Variants in SAMD11 observed in about 807,000 individuals in gnomAD.
The protein encoded by SAMD11 is sterile alpha motif domain-containing protein 11.
In SAMD11, 77 loss-of-function variants were observed where a neutral mutation model predicts 64.4. That is an observed-to-expected ratio of 1.20 (90% CI 0.99 to 1.44). The LOEUF is 1.44. Among genes scored for constraint, SAMD11 ranks in the 40% most tolerant of loss-of-function variants. The pLI is 0.00. For synonymous variants in SAMD11, 658 were observed against 421.9 expected (o/e 1.56, Z -6.86); for missense variants, 1,402 against 943.3 (o/e 1.49, Z -6.37).
intron 2 of SAMD11, among the ~76,000 whole-genome samples, chr1:929,545 C>T (rs977366293): frequency 6.6e-6 from 1 of 152,222 alleles, no homozygotes; most frequent in African/African-American, 2.4e-5. Context: ...ATTCGCTTGT[C>T]AACGTTGGCA....
At chr1:930,063 G>A (rs1641097659) in intron 2 of SAMD11, 92 bp from the exon 3 acceptor site, 1 of 1,420,090 alleles carries the variant, frequency 7.0e-7, no homozygotes, top group African/African-American at 1.4e-5. Flanking sequence ...ACCCCCGGGA[G>A]ATGGAACGGC....
Position 941,215 on chromosome 1 carries a change from CCCT to C in SAMD11, c.1273_1275del (p.Ser425del). ...CCCCAGTGGCCTGGAAGCCCACCTGCCCTCCTCCACGGCAGGTCAGCGTCGGAA... is the reference window on the plus strand; with the variant it reads ...CCCCAGTGGCCTGGAAGCCCACCTGCCCTCCACGGCAGGTCAGCGTCGGAA... On this transcript the variant is annotated inframe_deletion, in exon 8 of 14. Transcript: ENST00000616016. 13 of 1,601,532 alleles carry C rather than the reference CCCT, an allele frequency of 8.1e-6. No individual in the cohort carries two copies. The highest frequency in any genetic ancestry group is 1.8e-4 in the Middle Eastern group (1 of 5,700).
In SAMD11 at chr1:943,681, C is replaced by A. The variant is rs1420715439; in HGVS notation, c.2179-17C>A. 1.3e-6 allele frequency: 2 copies of A among 1,543,986 alleles called. No individual in the cohort carries two copies. The highest frequency in any genetic ancestry group is 1.7e-6 in the Non-Finnish European group (2 of 1,144,206). On this transcript the variant is annotated splice_polypyrimidine_tract_variant and intron_variant, in intron 12 of 13. Transcript: ENST00000616016. The stretch of plus-strand genomic sequence containing the variant: ...AGCAGCACCCGGGTCCTGACCCTCC[C>A]TCCCTCCCCCTTCCAGGTCTTCAGG...
chr1:942,521 C>T (rs1261500970), intron 10 of SAMD11, 33 bp downstream of exon 10: 11 of 1,432,802 alleles, frequency 7.7e-6, no homozygotes, highest in Non-Finnish European at 9.1e-6. Context: ...GGCCGCGCGG[C>T]CCGGGAGGCG....
chr1:930,998 G>A (rs1641141286), intron 3 of SAMD11, 41 bp from the exon 4 acceptor site: 2 of 1,598,472 alleles, frequency 1.3e-6, no homozygotes, highest in African/African-American at 1.3e-5. Context: ...GGGGTCAGGG[G>A]CCTCCAGAGC....
chr1:930,357 C>CAGG, intron 3 of SAMD11, 21 bp downstream of exon 3: 6 of 1,581,258 alleles, frequency 3.8e-6, no homozygotes, highest in Non-Finnish European at 4.3e-6. Flanking sequence ...CAGGGCCGGA[C>CAGG]AGGAAGGCGC....
chr1:942,151 GCCC>G lies in SAMD11; in HGVS notation c.1378_1380del (p.Pro460del). 7.3e-7 allele frequency: 1 copy of G among 1,372,042 alleles called. No homozygotes were observed. The highest frequency in any genetic ancestry group is 9.7e-7 in the Non-Finnish European group (1 of 1,031,072). 85.0% of individuals were successfully genotyped at this position (1,372,042 alleles called of 1,614,324 possible). A position where few individuals can be genotyped will look rare whatever the true frequency, so the allele number is the denominator to read the frequency against. On this transcript the variant is annotated inframe_deletion, in exon 9 of 14. Transcript: ENST00000616016. ...CCGTCCACAGGGAGCTGCCTCAGCC[GCCC>G]CCCTTGCTGTCGCCGCAGAATGCCC...
At position 942,184 on chromosome 1, in the gene SAMD11, C is replaced by G; in HGVS notation, c.1407C>G (p.His469Gln). The change falls in exon 9 of 14, where the codon CAC becomes CAG. Residue 469 changes from histidine (H) to glutamine (Q), a missense_variant. Physicochemically the swap from His to Gln is conservative, Grantham distance 24. Transcript: ENST00000616016. ...PPLLSPQNAPHVALGPHLRPP... is the reference protein window; with the variant it reads ...PPLLSPQNAPQVALGPHLRPP... ...TGCTGTCGCCGCAGAATGCCCCTCA[C>G]GTCGCCCTGGGCCCCCATCTCAGGC... is the stretch of plus-strand genomic sequence containing the variant. The G allele has an allele frequency of 2.1e-6, 3 of 1,428,070 alleles. No homozygotes were observed. The highest frequency in any genetic ancestry group is 2.8e-6 in the Non-Finnish European group (3 of 1,088,834). The allele number at this position is 1,428,070 out of a possible 1,614,324, so 88.5% of individuals were successfully genotyped here. A position where few individuals can be genotyped will look rare whatever the true frequency, so the allele number is the denominator to read the frequency against.
Position 943,731 on chromosome 1 carries a change from C to T in SAMD11, c.2212C>T (p.Leu738=), listed in dbSNP as rs374021935. 6.5e-5 allele frequency: 105 copies of T among 1,603,258 alleles called. No homozygotes were observed. Among genetic ancestry groups the T allele is most frequent in the Non-Finnish European group, 8.4e-5 (99 of 1,174,056 alleles). The change falls in exon 13 of 14, where the codon CTG becomes TTG. Residue 738 remains leucine (L), a synonymous_variant. Coordinates refer to ENST00000616016, the MANE Select transcript of SAMD11 (RefSeq NM_001385641.1). ...FREQGIDGET[L]PLLTEEHLLT... Reference sequence around the variant, plus strand: ...GGAGCAGGGGATCGACGGGGAGACCCTGCCACTGCTGACGGAGGAGCACCT... The same window carrying T: ...GGAGCAGGGGATCGACGGGGAGACCTTGCCACTGCTGACGGAGGAGCACCT...
chr1:926,121 G>T (rs1640873206), intron 2 of SAMD11, 108 bp downstream of exon 2: 10 of 1,084,474 alleles, frequency 9.2e-6, no homozygotes, highest in African/African-American at 1.6e-5. Context: ...ACCCCTGCGG[G>T]TGTGCTGGAG....
intron 7 of SAMD11, chr1:940,479 C>T (rs1641697203): frequency 6.6e-6 from 1 of 152,184 alleles, no homozygotes; most frequent in Non-Finnish European, 1.5e-5. Flanking sequence ...AATTTATAAA[C>T]AGAGGCGGCG....
Position 942,497 on chromosome 1 carries a change from G to T in SAMD11, c.1553+9G>T, listed in dbSNP as rs1342468681. On this transcript the variant is annotated intron_variant, in intron 10 of 13. Transcript: ENST00000616016. ...AAGCAGAACCTGGCCCGGTAGGTGC[G>T]GGGAGGCGGGCGGGGCCGCGCGGCC... 2.7e-6 allele frequency: 4 copies of T among 1,466,970 alleles called. No individual in the cohort carries two copies. The highest frequency in any genetic ancestry group is 3.0e-5 in the East Asian group (1 of 33,498). 90.9% of individuals were successfully genotyped at this position (1,466,970 alleles called of 1,614,324 possible).
chr1:941,028 C>A, intron 7 of SAMD11, 116 bp from the exon 8 acceptor site: 1 of 971,002 alleles, frequency 1.0e-6, no homozygotes, highest in Non-Finnish European at 1.5e-6. Flanking sequence ...GCCCAGGGGC[C>A]GAGCACGGCC....
At chr1:943,191 T>C in intron 11 of SAMD11, 62 bp from the exon 12 acceptor site, 2 of 1,607,752 alleles carry the variant, frequency 1.2e-6, no homozygotes, top group Non-Finnish European at 1.7e-6. Flanking sequence ...CACACGACGG[T>C]CAGGAGACGG....
chr1:942,368 G>A (rs1641831836), intron 9 of SAMD11, 42 bp from the exon 10 acceptor site: 3 of 1,252,596 alleles, frequency 2.4e-6, no homozygotes, highest in Admixed American at 2.5e-5. Flanking sequence ...GGCTCGGACC[G>A]CCTCGGACCC....
At chr1:929,475 A>C (rs569353573) in intron 2 of SAMD11, among the ~76,000 whole-genome samples, 1 of 152,324 alleles carries the variant, frequency 6.6e-6, no homozygotes, top group African/African-American at 2.4e-5. Context: ...GTGGCCTTGC[A>C]CCAGGCTGCA....
chr1:939,640 G>A (rs1250252006), intron 7 of SAMD11, among the ~76,000 whole-genome samples: 1 of 152,158 alleles, frequency 6.6e-6, no homozygotes, highest in East Asian at 1.9e-4. Context: ...AGGTCCCCAG[G>A]GTCATGACTA....
chr1:942,495 G>A lies in SAMD11; in HGVS notation c.1553+7G>A. On this transcript the variant is annotated splice_region_variant and intron_variant, in intron 10 of 13. Transcript: ENST00000616016. Reference sequence around the variant, plus strand: ...GGAAGCAGAACCTGGCCCGGTAGGTGCGGGGAGGCGGGCGGGGCCGCGCGG... The same window carrying A: ...GGAAGCAGAACCTGGCCCGGTAGGTACGGGGAGGCGGGCGGGGCCGCGCGG... 1.0e-5 allele frequency: 15 copies of A among 1,467,304 alleles called. No individual in the cohort carries two copies. Among genetic ancestry groups the A allele is most frequent in the Non-Finnish European group, 1.3e-5 (15 of 1,115,660 alleles). 90.9% of individuals were successfully genotyped at this position (1,467,304 alleles called of 1,614,324 possible).
chr1:940,401 C>G (rs113445614), intron 7 of SAMD11: 4 of 151,168 alleles, frequency 2.6e-5, no homozygotes, highest in Admixed American at 6.7e-5. Context: ...TGCGGGCGGC[C>G]GCGCCGGCTG....
Sources: gnomAD v4.1 joint callset for allele counts (sites outside exome capture counted in the v4.1 genomes callset) on GRCh38, gnomAD v4.1.1 for gene constraint, MANE v1.5 for transcripts, NCBI Gene and HGNC (gene_info 2026-07-23, HGNC 2026-07-21) for gene names.